TSGA10: variants seen among roughly 807,000 people sequenced by gnomAD.
The protein encoded by TSGA10 is testis-specific gene 10 protein.
A neutral mutation model predicts 96.6 loss-of-function variants in TSGA10; 43 were observed. The ratio of observed to expected loss-of-function variants is 0.44; its 90% CI spans 0.35 to 0.57. The LOEUF is 0.57. TSGA10 is among the 20% of genes least tolerant of loss of function. TSGA10 has a pLI of 0.01. For synonymous variants in TSGA10, 229 were observed against 269.9 expected, an observed-to-expected ratio of 0.85 and a Z score of 1.48; for missense variants, 703 against 834.4, an observed-to-expected ratio of 0.84 and a Z score of 1.94.
intron 16 of TSGA10, among the ~76,000 whole-genome samples, chr2:99,062,279 T>C (rs2084788197): frequency 6.6e-6 from 1 of 152,198 alleles, no homozygotes; most frequent in Non-Finnish European, 1.5e-5. Flanking sequence ...AAATATTGAT[T>C]ACATAATCTG....
At chr2:99,089,235 G>C (rs1216264702) in intron 10 of TSGA10, among the ~76,000 whole-genome samples, 1 of 152,192 alleles carries the variant, frequency 6.6e-6, no homozygotes, top group Admixed American at 6.5e-5. Context: ...GTAAGCAGCG[G>C]GAAGAGCCCT....
intron 16 of TSGA10, among the ~76,000 whole-genome samples, chr2:99,035,678 T>C (rs1407818309): frequency 1.3e-5 from 2 of 151,446 alleles, no homozygotes; most frequent in Non-Finnish European, 2.9e-5. Context: ...TTCTTTTTAA[T>C]GTACTTAGGA....
chr2:99,141,412 CG>C (rs1329877755), intron 1 of TSGA10: 1 of 188,522 alleles, frequency 5.3e-6, no homozygotes, highest in Admixed American at 6.3e-5. Context: ...CCCCCAGGCC[CG>C]GTGCGCACGC....
At chr2:99,128,656 TTAAGTC>T (rs2092940091) in intron 1 of TSGA10, among the ~76,000 whole-genome samples, 1 of 152,348 alleles carries the variant, frequency 6.6e-6, no homozygotes, top group South Asian at 2.1e-4. Context: ...AAGGATCTAT[TTAAGTC>T]TAAACCCATC....
At chr2:99,028,804 G>A (rs991320694) in intron 17 of TSGA10, among the ~76,000 whole-genome samples, 4 of 152,160 alleles carry the variant, frequency 2.6e-5, no homozygotes, top group African/African-American at 7.2e-5. Flanking sequence ...TTTTCGTGAT[G>A]TTTCCTCTTA....
intron 15 of TSGA10, among the ~76,000 whole-genome samples, chr2:99,066,015 G>A (rs1347943782): frequency 6.6e-6 from 1 of 152,106 alleles, no homozygotes. Flanking sequence ...TGTAATTTTG[G>A]TAATTTTTTA....
chr2:99,076,861 G>A (rs62156363), intron 12 of TSGA10, among the ~76,000 whole-genome samples: 65,885 of 151,742 alleles, frequency 0.43, 16,966 homozygotes, highest in African/African-American at 0.72. Flanking sequence ...TAGTCATTCA[G>A]TGACTACTAT....
rs200367928 is a variant in TSGA10, at chr2:99,058,318, C to CA, written c.1404+6620dup. Among the ~76,000 whole-genome samples the CA allele has an allele frequency of 6.8e-3, 1,030 of 152,076 alleles. 15 individuals carry two copies. Among genetic ancestry groups the CA allele is most frequent in the African/African-American group, 0.024 (995 of 41,488 alleles). On this transcript the variant is annotated intron_variant, in intron 16 of 20. Transcript: ENST00000393483. ...AAAGCTGTTACAAAAAATAGCAACA[C>CA]AAAAATATGTAGAATACAGCTAAAG...
rs184515050 is a variant in TSGA10 at position 99,094,418 on chromosome 2, A to G, written c.611+9549T>C. ...AGTAGGTAGGACTTAATTAAACTAA[A>G]AAGTTTCTGCACAGCAAAAGAAACA... On this transcript the variant is annotated intron_variant, in intron 10 of 20. Coordinates refer to ENST00000393483, the MANE Select transcript of TSGA10 (RefSeq NM_025244.4). 2.5e-3 allele frequency among the ~76,000 whole-genome samples: 378 copies of G among 152,304 alleles called. 2 individuals carry two copies. The highest frequency in any genetic ancestry group is 2.7e-3 in the Non-Finnish European group (184 of 68,012).
intron 7 of TSGA10, 113 bp downstream of exon 7, chr2:99,108,720 T>C: frequency 1.4e-6 from 1 of 698,742 alleles, no homozygotes; most frequent in Non-Finnish European, 2.2e-6. Context: ...AATCCCCAAA[T>C]GTTAGATTAA....
At chr2:99,146,152 A>G (rs1428229367) in intron 1 of TSGA10, among the ~76,000 whole-genome samples, 1 of 152,172 alleles carries the variant, frequency 6.6e-6, no homozygotes, top group Non-Finnish European at 1.5e-5. Context: ...GCATGGTGGC[A>G]GGTGCCTGTA....
chr2:99,076,446 C>T (rs527372301), intron 12 of TSGA10, among the ~76,000 whole-genome samples: 17 of 152,188 alleles, frequency 1.1e-4, no homozygotes, highest in African/African-American at 3.9e-4. Context: ...CAGTGACCCT[C>T]TATATCCATG....
At chr2:99,049,200 TA>T (rs1415312435) in intron 16 of TSGA10, among the ~76,000 whole-genome samples, 1 of 152,152 alleles carries the variant, frequency 6.6e-6, no homozygotes, top group Non-Finnish European at 1.5e-5. Flanking sequence ...GAACTACAAA[TA>T]CCATTTGACC....
chr2:99,040,365 A>T (rs1316001086), intron 16 of TSGA10, among the ~76,000 whole-genome samples: 1 of 152,188 alleles, frequency 6.6e-6, no homozygotes, highest in African/African-American at 2.4e-5. Flanking sequence ...ATACCTAGAA[A>T]ACTCTAAAGA....
intron 1 of TSGA10, chr2:99,141,163 C>CCTG: frequency 7.9e-7 from 1 of 1,263,754 alleles, no homozygotes; most frequent in East Asian, 6.7e-5. Context: ...AGCTCTCGGC[C>CCTG]TCAGCGGGGG....
At chr2:99,029,657 T>C (rs1486033989) in intron 17 of TSGA10, among the ~76,000 whole-genome samples, 1 of 152,240 alleles carries the variant, frequency 6.6e-6, no homozygotes, top group Non-Finnish European at 1.5e-5. Context: ...TTGGATCTTA[T>C]AATTAGATGC....
chr2:99,132,428 G>A (rs1054421919), intron 1 of TSGA10, among the ~76,000 whole-genome samples: 2 of 151,338 alleles, frequency 1.3e-5, no homozygotes, highest in African/African-American at 2.4e-5. Context: ...GACGTTTATA[G>A]TATTCTCTGA....
intron 13 of TSGA10, 40 bp from the exon 14 acceptor site, chr2:99,071,914 T>C: frequency 6.5e-7 from 1 of 1,539,262 alleles, no homozygotes; most frequent in Non-Finnish European, 8.8e-7. Context: ...AGAGACATTT[T>C]ACTGAAACAG....
intron 20 of TSGA10, among the ~76,000 whole-genome samples, chr2:99,006,972 A>G (rs1169283426): frequency 2.0e-5 from 3 of 152,174 alleles, no homozygotes; most frequent in African/African-American, 7.2e-5. Flanking sequence ...GCCATAAAAA[A>G]TGAGCTTATG....
Sources: gnomAD v4.1 joint callset for allele counts (sites outside exome capture counted in the v4.1 genomes callset) on GRCh38, gnomAD v4.1.1 for gene constraint, MANE v1.5 for transcripts, NCBI Gene and HGNC (gene_info 2026-07-23, HGNC 2026-07-21) for gene names.